FOXK1: variants seen among roughly 807,000 people sequenced by gnomAD.
The protein encoded by FOXK1 is forkhead box K1, also known as forkhead box protein K1.
In FOXK1, 19 loss-of-function variants were observed where a neutral mutation model predicts 51.9. That is an observed-to-expected ratio of 0.37 (90% CI 0.26 to 0.54). The LOEUF (loss-of-function observed/expected upper bound fraction) is 0.54, where lower values mean the gene tolerates loss of function less well. Ranked by LOEUF, FOXK1 falls within the 20% of genes least tolerant of loss-of-function variation. The probability of loss-of-function intolerance (pLI) is 0.87; values close to 1 mark genes in which losing one functional copy is unlikely to be tolerated. For synonymous variants in FOXK1, 537 were observed against 482.6 expected (o/e 1.11, Z -1.48); for missense variants, 870 against 1,032.7 (o/e 0.84, Z 2.16).
At position 4,759,359 on chromosome 7, in the gene FOXK1, C is replaced by T. The variant is rs1408117428; in HGVS notation, c.1460C>T (p.Pro487Leu). The part of the protein sequence containing the change: ...QPVIMAVPPR[P>L]SSLVAKPVAY... ...GTGATCATGGCCGTGCCTCCCCGAC[C>T]GTCCAGCCTCGTGGCCAAGCCCGTG... The change falls in exon 7 of 9, where the codon CCG becomes CTG. Residue 487 changes from proline (P) to leucine (L), a missense_variant. By Grantham distance (98) the Pro-to-Leu change is moderately conservative. This residue lies in a region of FOXK1 where 457 missense variants were observed against 510.8 expected (regional missense o/e 0.89). Coordinates refer to ENST00000328914, the MANE Select transcript of FOXK1 (RefSeq NM_001037165.2). 7.5e-6 allele frequency: 12 copies of T among 1,602,008 alleles called. No individual in the cohort carries two copies. The Admixed American group carries it at 8.3e-5, about 11-fold the overall frequency.
In FOXK1 at chr7:4,683,773, TG is replaced by T. The variant is rs1425541763; in HGVS notation, c.560+910del. ...CCCCCACCCCATCCAGTCTGGGTCC[TG>T]GGGGACCCCAACACACTCACCCAGG... On this transcript the variant is annotated intron_variant, in intron 1 of 8. Transcript: ENST00000328914. The surrounding 1 kb of genome is among the most constrained non-coding windows in gnomAD (Gnocchi z 4.5). Among the ~76,000 whole-genome samples, 1 of 152,154 alleles carries T rather than the reference TG, an allele frequency of 6.6e-6. No individual in the cohort carries two copies. The highest frequency in any genetic ancestry group is 1.5e-5 in the Non-Finnish European group (1 of 68,000).
rs375140208 is a variant in FOXK1, at chr7:4,715,485, G to A, written c.561-25353G>A. ...GGCTGGAACTCGGGCCCCGCTGGCC[G>A]GCGGTAGGAGCTGGAATGCCCGAGC... On this transcript the variant is annotated intron_variant, in intron 1 of 8. Coordinates refer to ENST00000328914, the MANE Select transcript of FOXK1 (RefSeq NM_001037165.2). This position sits in a 1 kb window ranked among gnomAD's most constrained non-coding sequence, Gnocchi z 4.5. Among the ~76,000 whole-genome samples the A allele has an allele frequency of 7.7e-4, 118 of 152,300 alleles. No individual in the cohort carries two copies. The highest frequency in any genetic ancestry group is 1.3e-3 in the Non-Finnish European group (90 of 68,032).
At chr7:4,696,602 G>A (rs1779955323) in intron 1 of FOXK1, among the ~76,000 whole-genome samples, 1 of 152,190 alleles carries the variant, frequency 6.6e-6, no homozygotes, top group African/African-American at 2.4e-5. Context: ...TCCCTCGAGG[G>A]CAGGGGCTGG....
rs1780154123 is a variant in FOXK1 at position 4,709,948 on chromosome 7, C to T, written c.560+27080C>T. The stretch of plus-strand genomic sequence containing the variant: ...CGGAAGCCTGTGTGTTAGGCGTTAA[C>T]ATTGTTCCCGCGTGAAGGGGTAGAA... On this transcript the variant is annotated intron_variant, in intron 1 of 8. Coordinates refer to ENST00000328914, the MANE Select transcript of FOXK1 (RefSeq NM_001037165.2). This position sits in a 1 kb window ranked among gnomAD's most constrained non-coding sequence, Gnocchi z 5.6. Among the ~76,000 whole-genome samples, 1 of 152,216 alleles carries T rather than the reference C, an allele frequency of 6.6e-6. No individual in the cohort carries two copies. Among genetic ancestry groups the T allele is most frequent in the Admixed American group, 6.5e-5 (1 of 15,286 alleles).
At chr7:4,705,776 A>AC (rs147171236) in intron 1 of FOXK1, among the ~76,000 whole-genome samples, 21,576 of 124,914 alleles carry the variant, frequency 0.17, 2,396 homozygotes, top group African/African-American at 0.35. Context: ...CAACCTCGTG[A>AC]CCCCCCCCCG....
chr7:4,710,202 C>T (rs375728007), intron 1 of FOXK1, among the ~76,000 whole-genome samples: 9 of 152,316 alleles, frequency 5.9e-5, no homozygotes, highest in South Asian at 2.1e-4. Context: ...TTTCCTCAGT[C>T]GCAAACAACA....
chr7:4,748,781 C>G lies in FOXK1; in HGVS notation c.747-5678C>G, dbSNP rs540417125. ...CCAGGCTGGTACTTCTGGGCTCAAGCGAGCCTCCTGCCTCAGCCTCCCGAG... is the reference window on the plus strand; with the variant it reads ...CCAGGCTGGTACTTCTGGGCTCAAGGGAGCCTCCTGCCTCAGCCTCCCGAG... On this transcript the variant is annotated intron_variant, in intron 2 of 8. Transcript: ENST00000328914. The surrounding 1 kb of genome is among the most constrained non-coding windows in gnomAD (Gnocchi z 4.9). Among the ~76,000 whole-genome samples the G allele has an allele frequency of 6.6e-6, 1 of 152,144 alleles. No homozygotes were observed. Among genetic ancestry groups the G allele is most frequent in the Non-Finnish European group, 1.5e-5 (1 of 68,012 alleles).
chr7:4,761,399 A>C lies in FOXK1; in HGVS notation c.1921+111A>C. On this transcript the variant is annotated intron_variant, in intron 8 of 8. Coordinates refer to ENST00000328914, the MANE Select transcript of FOXK1 (RefSeq NM_001037165.2). The surrounding 1 kb of genome is among the most constrained non-coding windows in gnomAD (Gnocchi z 6.2). ...ATCTCCCGATCCTCCACTCAGTTCAATTTATTGAGCACCTGCTATACTCCA... is the reference window on the plus strand; with the variant it reads ...ATCTCCCGATCCTCCACTCAGTTCACTTTATTGAGCACCTGCTATACTCCA... The C allele has an allele frequency of 2.7e-6, 3 of 1,109,780 alleles. No individual in the cohort carries two copies. The highest frequency in any genetic ancestry group is 1.5e-5 in the African/African-American group (1 of 64,646). 68.7% of individuals were successfully genotyped at this position (1,109,780 alleles called of 1,614,324 possible).
At chr7:4,750,464 A>G (rs1375969423) in intron 2 of FOXK1, among the ~76,000 whole-genome samples, 1 of 147,110 alleles carries the variant, frequency 6.8e-6, no homozygotes, top group Non-Finnish European at 1.5e-5. Flanking sequence ...TTTTTTTGAG[A>G]CAGAATCTCG....
chr7:4,720,609 C>G (rs967864755), intron 1 of FOXK1, among the ~76,000 whole-genome samples: 2 of 152,170 alleles, frequency 1.3e-5, no homozygotes, highest in Non-Finnish European at 2.9e-5. Context: ...CGGGGAGACT[C>G]CAGCCTCAGC....
Position 4,756,151 on chromosome 7 carries a change from G to T in FOXK1, c.1050+768G>T, listed in dbSNP as rs936881814. ...GTTTTTTGAGACAGGATCTCGCTCT[G>T]CCATCCCGGCTGGAGTGTGGTGGCG... On this transcript the variant is annotated intron_variant, in intron 4 of 8. Coordinates refer to ENST00000328914, the MANE Select transcript of FOXK1 (RefSeq NM_001037165.2). The surrounding 1 kb of genome is among the most constrained non-coding windows in gnomAD (Gnocchi z 4.1). 1.4e-4 allele frequency among the ~76,000 whole-genome samples: 22 copies of T among 152,248 alleles called. No individual in the cohort carries two copies. Among genetic ancestry groups the T allele is most frequent in the Admixed American group, 5.2e-4 (8 of 15,296 alleles).
At chr7:4,697,290 G>A (rs943038597) in intron 1 of FOXK1, among the ~76,000 whole-genome samples, 4 of 152,108 alleles carry the variant, frequency 2.6e-5, no homozygotes, top group Non-Finnish European at 4.4e-5. Flanking sequence ...TCCAAGGGAA[G>A]GCAACGTGCT....
rs1001298796 is a variant in FOXK1, at chr7:4,731,408, A to G, written c.561-9430A>G. On this transcript the variant is annotated intron_variant, in intron 1 of 8. Transcript: ENST00000328914. The surrounding 1 kb of genome is among the most constrained non-coding windows in gnomAD (Gnocchi z 5.3). ...GAGTATGTAACAGCTTTTGCCTCCC[A>G]TTCTTGAGTCTTTCATTTCTTCAAG... Among the ~76,000 whole-genome samples the G allele has an allele frequency of 2.6e-5, 4 of 152,228 alleles. No individual in the cohort carries two copies. Among genetic ancestry groups the G allele is most frequent in the Admixed American group, 6.5e-5 (1 of 15,288 alleles).
chr7:4,762,018 G>A lies in FOXK1; in HGVS notation c.1922-166G>A, dbSNP rs1005068588. Among the ~76,000 whole-genome samples the A allele has an allele frequency of 1.3e-5, 2 of 152,126 alleles. No individual in the cohort carries two copies. Among genetic ancestry groups the A allele is most frequent in the Non-Finnish European group, 2.9e-5 (2 of 68,010 alleles). On this transcript the variant is annotated intron_variant, in intron 8 of 8. Transcript: ENST00000328914. The surrounding 1 kb of genome is among the most constrained non-coding windows in gnomAD (Gnocchi z 5.7). Reference sequence around the variant, plus strand: ...GACAGGGCAGATGAGGTGGGGAGGGGACGGCAGGGCCCGCAGGGAGCAGAG... The same window carrying A: ...GACAGGGCAGATGAGGTGGGGAGGGAACGGCAGGGCCCGCAGGGAGCAGAG...
At chr7:4,698,289 C>T (rs781578633) in intron 1 of FOXK1, among the ~76,000 whole-genome samples, 2 of 149,736 alleles carry the variant, frequency 1.3e-5, no homozygotes, top group Admixed American at 6.7e-5. Context: ...TCTGAGAGTG[C>T]GATTTTATAT....
At position 4,707,839 on chromosome 7, in the gene FOXK1, G is replaced by A. The variant is rs796785857; in HGVS notation, c.560+24971G>A. 3.0e-4 allele frequency among the ~76,000 whole-genome samples: 45 copies of A among 151,940 alleles called. No individual in the cohort carries two copies. The highest frequency in any genetic ancestry group is 1.1e-3 in the African/African-American group (45 of 41,432). ...AGCTGGGATGATAGGGCCCGCCACC[G>A]TGTCCGGCTAATTTTTGTATTTTTA... On this transcript the variant is annotated intron_variant, in intron 1 of 8. Transcript: ENST00000328914. This position sits in a 1 kb window ranked among gnomAD's most constrained non-coding sequence, Gnocchi z 4.1.
rs1358168994 is a variant in FOXK1 at position 4,766,961 on chromosome 7, G to T, written c.*4497G>T. ...TGGCTTTGAAATCAGTGTTTTTATG[G>T]AGACAAAGAACAGACCTCAGTGGGA... On this transcript the variant is annotated 3_prime_UTR_variant, in exon 9 of 9. Transcript: ENST00000328914. This position sits in a 1 kb window ranked among gnomAD's most constrained non-coding sequence, Gnocchi z 5.5. 1 of 152,250 alleles carries T rather than the reference G, an allele frequency of 6.6e-6. No homozygotes were observed. Among genetic ancestry groups the T allele is most frequent in the Non-Finnish European group, 1.5e-5 (1 of 68,056 alleles). The allele number at this position is 152,250 out of a possible 1,614,324, so 9.4% of individuals were successfully genotyped here. A position where few individuals can be genotyped will look rare whatever the true frequency, so the allele number is the denominator to read the frequency against.
chr7:4,694,236 T>A (rs1307336645), intron 1 of FOXK1, among the ~76,000 whole-genome samples: 2 of 152,194 alleles, frequency 1.3e-5, no homozygotes, highest in Non-Finnish European at 2.9e-5. Flanking sequence ...CATGAAACTT[T>A]TCTAGGTTTT....
intron 1 of FOXK1, among the ~76,000 whole-genome samples, chr7:4,705,204 T>C (rs953464661): frequency 1.3e-5 from 2 of 152,018 alleles, no homozygotes; most frequent in African/African-American, 2.4e-5. Flanking sequence ...GTTGCTGTTA[T>C]TAGAGACAAG....
Sources: allele counts gnomAD v4.1 joint callset (sites outside exome capture counted in the v4.1 genomes callset), GRCh38; gene constraint gnomAD v4.1.1; regional missense constraint gnomAD v4.1.1; non-coding constraint Gnocchi (gnomAD v3.1); transcripts MANE v1.5; gene names NCBI Gene and HGNC (gene_info 2026-07-23, HGNC 2026-07-21).